The following ZNF469 variants were observed in gnomAD, a reference collection of about 807,000 sequenced individuals.
ZNF469 encodes the protein zinc finger protein 469.
In ZNF469, 1 loss-of-function variant was observed where a neutral mutation model predicts 1.0. The observed-to-expected ratio is 1.00, with a 90% CI of 0.35 to 4.73. The LOEUF (loss-of-function observed/expected upper bound fraction) is 4.73, where lower values mean the gene tolerates loss of function less well. Among genes scored for constraint, ZNF469 ranks in the 30% most tolerant of loss-of-function variants. ZNF469 has a pLI of 0.16. For synonymous variants in ZNF469, 2,703 were observed against 2,363.4 expected (o/e 1.14, Z -4.17); for missense variants, 6,100 against 5,356.3 (o/e 1.14, Z -4.33).
chr16:88,212,188 T>C, the ZNF469 span, among the ~76,000 whole-genome samples: 15 of 152,238 alleles, frequency 9.9e-5, no homozygotes, highest in African/African-American at 3.4e-4. Context: ...ATATGTAATG[T>C]CTAATAGTCT....
the ZNF469 span, among the ~76,000 whole-genome samples, chr16:88,336,849 A>G: frequency 2.0e-5 from 3 of 152,096 alleles, no homozygotes; most frequent in African/African-American, 7.2e-5. Context: ...CCCCATACCC[A>G]TGGAAGTTCA....
chr16:88,183,077 A>G, the ZNF469 span, among the ~76,000 whole-genome samples: 8 of 152,252 alleles, frequency 5.3e-5, no homozygotes, highest in African/African-American at 1.9e-4. Flanking sequence ...AGTAGGTAAA[A>G]GATTGGAAAT....
the ZNF469 span, among the ~76,000 whole-genome samples, chr16:88,186,651 C>T: frequency 2.0e-5 from 3 of 152,156 alleles, no homozygotes; most frequent in Admixed American, 6.5e-5. Context: ...CCACCTCCCC[C>T]GGCAGAGGAT....
At position 88,433,233 on chromosome 16, in the gene ZNF469, C is replaced by T; in HGVS notation, c.5763C>T (p.Gly1921=). The T allele has an allele frequency of 6.5e-7, 1 of 1,550,274 alleles. No individual in the cohort carries two copies. Among genetic ancestry groups the T allele is most frequent in the Admixed American group, 2.0e-5 (1 of 51,006 alleles). ...GVAKSKDGIL[G]LQELTPAAQS... ...CTAAGAGTAAAGATGGCATCCTGGG[C>T]TTGCAGGAGCTGACACCTGCTGCCC... is the stretch of plus-strand genomic sequence containing the variant. Residue 1921 remains glycine (G), a synonymous_variant, in exon 3 of 3, where the codon GGC becomes GGT. Transcript: ENST00000565624.
At position 88,431,120 on chromosome 16, in the gene ZNF469, C is replaced by T. The variant is rs115183769; in HGVS notation, c.3650C>T (p.Pro1217Leu). Residue 1217 changes from proline (P) to leucine (L), a missense_variant, in exon 3 of 3, where the codon CCG (proline) becomes CTG (leucine). By Grantham distance (98) the Pro-to-Leu change is moderately conservative. Coordinates refer to ENST00000565624, the MANE Select transcript of ZNF469 (RefSeq NM_001367624.2). ...TNTETSEETRPSLDFPQEAKE... is the reference protein window; with the variant it reads ...TNTETSEETRLSLDFPQEAKE... ...ACCGAGACCTCAGAGGAAACCCGCC[C>T]GTCGCTGGACTTTCCCCAGGAGGCC... The T allele has an allele frequency of 3.7e-3, 5,798 of 1,550,268 alleles. 190 individuals carry two copies. In the African/African-American group the frequency reaches 0.07, roughly 19 times the overall value.
the ZNF469 span, among the ~76,000 whole-genome samples, chr16:88,240,471 G>A: frequency 6.6e-6 from 1 of 152,206 alleles, no homozygotes; most frequent in African/African-American, 2.4e-5. Flanking sequence ...TCGGTCACGG[G>A]CATGCTGACC....
chr16:88,171,021 G>C, the ZNF469 span, among the ~76,000 whole-genome samples: 1 of 152,198 alleles, frequency 6.6e-6, no homozygotes, highest in African/African-American at 2.4e-5. Context: ...CAACCTCTAG[G>C]AGGTCAGCAC....
chr16:88,187,248 C>A, the ZNF469 span, among the ~76,000 whole-genome samples: 3 of 152,198 alleles, frequency 2.0e-5, no homozygotes, highest in South Asian at 6.2e-4. Context: ...AAAGCCGCCT[C>A]CAAGCTAGGC....
the ZNF469 span, among the ~76,000 whole-genome samples, chr16:88,260,270 C>G: frequency 6.6e-6 from 1 of 152,084 alleles, no homozygotes; most frequent in Admixed American, 6.5e-5. The surrounding 1 kb of genome is among the most constrained non-coding windows in gnomAD (Gnocchi z 4.1). Context: ...TTGACAGGCG[C>G]GAGCCACCGT....
chr16:88,251,536 GTCTTTTTTTTTTTTTTTTTT>G, the ZNF469 span, among the ~76,000 whole-genome samples: 5 of 78,808 alleles, frequency 6.3e-5, no homozygotes, highest in Non-Finnish European at 9.3e-5. Flanking sequence ...TGTCCCTGCT[GTCTTTTTTTTTTTTTTTTTT>G]TTTTTTTTTT....
At chr16:88,140,300 A>C in the ZNF469 span, among the ~76,000 whole-genome samples, 2 of 152,202 alleles carry the variant, frequency 1.3e-5, no homozygotes, top group African/African-American at 4.8e-5. Context: ...AAATATTTGG[A>C]AAGGAAGACA....
chr16:88,135,676 C>T, the ZNF469 span, among the ~76,000 whole-genome samples: 52 of 148,558 alleles, frequency 3.5e-4, no homozygotes, highest in South Asian at 0.01. Context: ...TCAGCAACAG[C>T]GGCTTGGTGC....
chr16:88,430,464 A>AACGCAGGCCCCCGGGAGCC lies in ZNF469; in HGVS notation c.2995_3013dup (p.Arg1005HisfsTer87). ...CCCCACCCCGTCCCCGGCGCCCTAG[A>AACGCAGGCCCCCGGGAGCC]ACGCAGGCCCCCGGGAGCCGCGCAG... On this transcript the variant is annotated frameshift_variant, in exon 3 of 3. Transcript: ENST00000565624. LOFTEE classifies it low-confidence loss of function (END_TRUNC). 6.8e-7 allele frequency: 1 copy of AACGCAGGCCCCCGGGAGCC among 1,468,742 alleles called. No individual in the cohort carries two copies. Among genetic ancestry groups the AACGCAGGCCCCCGGGAGCC allele is most frequent in the Non-Finnish European group, 8.9e-7 (1 of 1,118,344 alleles). 91.0% of individuals were successfully genotyped at this position (1,468,742 alleles called of 1,614,324 possible). A position where few individuals can be genotyped will look rare whatever the true frequency, so the allele number is the denominator to read the frequency against.
chr16:88,200,503 G>A, the ZNF469 span, among the ~76,000 whole-genome samples: 25 of 152,354 alleles, frequency 1.6e-4, no homozygotes, highest in East Asian at 7.7e-4. Context: ...CGGTCTCTCC[G>A]CTCTCCCAGC....
chr16:88,241,804 C>T, the ZNF469 span, among the ~76,000 whole-genome samples: 1 of 152,146 alleles, frequency 6.6e-6, no homozygotes, highest in Admixed American at 6.5e-5. This position sits in a 1 kb window ranked among gnomAD's most constrained non-coding sequence, Gnocchi z 4.8. Flanking sequence ...AACGTGCTCC[C>T]AGCTGCCCCT....
In ZNF469 at chr16:88,433,124, C is replaced by G. The variant is rs1597210642; in HGVS notation, c.5654C>G (p.Ser1885Cys). Residue 1885 changes from serine (S) to cysteine (C), a missense_variant, in exon 3 of 3, where the codon TCC becomes TGC. Ser to Cys is a moderately radical substitution (Grantham distance 112). Coordinates refer to ENST00000565624, the MANE Select transcript of ZNF469 (RefSeq NM_001367624.2). ...LVPVPSPACV[S>C]NTHPSRRSQD... is the part of the protein sequence containing the mutation. The stretch of plus-strand genomic sequence containing the variant: ...CCTGTGCCAAGTCCCGCCTGTGTAT[C>G]CAACACCCACCCTAGCAGGAGGTCC... The G allele has an allele frequency of 1.3e-6, 2 of 1,550,316 alleles. No homozygotes were observed. Among genetic ancestry groups the G allele is most frequent in the Non-Finnish European group, 8.7e-7 (1 of 1,146,946 alleles).
At chr16:88,395,029 G>A (rs1031458591) in intron 1 of ZNF469, among the ~76,000 whole-genome samples, 1 of 152,238 alleles carries the variant, frequency 6.6e-6, no homozygotes. Flanking sequence ...GTCTTGGCCA[G>A]TACAGCCTCA....
the ZNF469 span, among the ~76,000 whole-genome samples, chr16:88,256,959 TCTTTC>T: frequency 9.5e-5 from 11 of 115,958 alleles, no homozygotes; most frequent in Non-Finnish European, 3.7e-5. Context: ...TCTTTTCTTT[TCTTTC>T]GTTGATGGAG....
At chr16:88,205,310 T>C in the ZNF469 span, among the ~76,000 whole-genome samples, 2 of 152,196 alleles carry the variant, frequency 1.3e-5, no homozygotes, top group East Asian at 1.9e-4. The surrounding 1 kb of genome is among the most constrained non-coding windows in gnomAD (Gnocchi z 4.2). Context: ...AAGGGTTTTT[T>C]AGGAGCCTCC....
Sources: allele counts gnomAD v4.1 joint callset (sites outside exome capture counted in the v4.1 genomes callset), GRCh38; gene constraint gnomAD v4.1.1; non-coding constraint Gnocchi (gnomAD v3.1); transcripts MANE v1.5; gene names NCBI Gene and HGNC (gene_info 2026-07-23, HGNC 2026-07-21).